Variants in ANP32B observed in about 807,000 individuals in gnomAD.
ANP32B encodes the protein acidic nuclear phosphoprotein 32 family member B.
In ANP32B, 6 loss-of-function variants were observed where a neutral mutation model predicts 32.2. The ratio of observed to expected loss-of-function variants is 0.19; its 90% CI spans 0.10 to 0.37. The LOEUF (loss-of-function observed/expected upper bound fraction) is 0.37, where lower values mean the gene tolerates loss of function less well. Ranked by LOEUF, ANP32B falls within the 10% of genes least tolerant of loss-of-function variation. The probability of loss-of-function intolerance (pLI) is 1.00; values close to 1 mark genes in which losing one functional copy is unlikely to be tolerated. For missense variants in ANP32B, 204 were observed against 289.2 expected (o/e 0.71, Z 2.14); for synonymous variants, 98 against 105.8 (o/e 0.93, Z 0.45).
At chr9:98,003,772 A>C (rs996724452) in intron 3 of ANP32B, among the ~76,000 whole-genome samples, 1 of 152,116 alleles carries the variant, frequency 6.6e-6, no homozygotes, top group Non-Finnish European at 1.5e-5. Context: ...GGTCCTCTTA[A>C]AGTTTGTTTG....
At chr9:97,987,551 G>A (rs1390766010) in intron 1 of ANP32B, 1 of 152,206 alleles carries the variant, frequency 6.6e-6, no homozygotes, top group Non-Finnish European at 1.5e-5. Context: ...TATCCTTCCA[G>A]TAAACTGAAC....
At chr9:98,013,374 C>G (rs769440991) in intron 6 of ANP32B, among the ~76,000 whole-genome samples, 1 of 152,112 alleles carries the variant, frequency 6.6e-6, no homozygotes, top group Non-Finnish European at 1.5e-5. Flanking sequence ...ATTTGGTTTA[C>G]TGTCAAGTGT....
intron 4 of ANP32B, among the ~76,000 whole-genome samples, chr9:98,005,549 A>G (rs919466369): frequency 2.0e-5 from 3 of 151,956 alleles, no homozygotes; most frequent in African/African-American, 7.3e-5. Flanking sequence ...TGTTCTTACT[A>G]TTGAGGAAAA....
chr9:97,994,877 C>A, intron 2 of ANP32B, 97 bp downstream of exon 2: 1 of 1,261,224 alleles, frequency 7.9e-7, no homozygotes, highest in Non-Finnish European at 1.1e-6. Context: ...GCAGAAAGCA[C>A]ATGGCCTTTG....
rs1828267625 is a variant in ANP32B at position 98,015,687 on chromosome 9, T to C, written c.*256T>C. 8.7e-7 allele frequency: 1 copy of C among 1,152,146 alleles called. No individual in the cohort carries two copies. The highest frequency in any genetic ancestry group is 1.1e-6 in the Non-Finnish European group (1 of 929,906). The allele number at this position is 1,152,146 out of a possible 1,614,324, so 71.4% of individuals were successfully genotyped here. ...TTGTTAGGTTTTTGTGTAAGATTCT[T>C]GCTGTAGCGTGGATAGCTGTGATTG... On this transcript the variant is annotated 3_prime_UTR_variant, in exon 7 of 7. Transcript: ENST00000339399.
chr9:97,984,945 C>T (rs939879423), intron 1 of ANP32B, among the ~76,000 whole-genome samples: 31 of 151,190 alleles, frequency 2.1e-4, no homozygotes, highest in African/African-American at 7.5e-4. Flanking sequence ...GGCCGCGCGC[C>T]TTGCGGGCTG....
At chr9:97,995,175 C>A (rs1436866653) in intron 2 of ANP32B, among the ~76,000 whole-genome samples, 1 of 152,198 alleles carries the variant, frequency 6.6e-6, no homozygotes, top group Non-Finnish European at 1.5e-5. Context: ...AAAATGTTTT[C>A]TCTTGTCACT....
chr9:97,983,907 G>A (rs1411880328), intron 1 of ANP32B, among the ~76,000 whole-genome samples: 1 of 152,024 alleles, frequency 6.6e-6, no homozygotes, highest in Non-Finnish European at 1.5e-5. Context: ...CAAGTGGCCG[G>A]CGGCGAGAGA....
chr9:97,994,216 C>A (rs978480340), intron 1 of ANP32B, among the ~76,000 whole-genome samples: 2 of 152,156 alleles, frequency 1.3e-5, no homozygotes. Flanking sequence ...TAAAGCTTTC[C>A]TCTTTTCCAG....
chr9:98,015,713 G>T lies in ANP32B; in HGVS notation c.*282G>T. 2 of 1,068,094 alleles carry T rather than the reference G, an allele frequency of 1.9e-6. No individual in the cohort carries two copies. The highest frequency in any genetic ancestry group is 1.1e-6 in the Non-Finnish European group (1 of 881,428). 66.2% of individuals were successfully genotyped at this position (1,068,094 alleles called of 1,614,324 possible). A position where few individuals can be genotyped will look rare whatever the true frequency, so the allele number is the denominator to read the frequency against. On this transcript the variant is annotated 3_prime_UTR_variant, in exon 7 of 7. Coordinates refer to ENST00000339399, the MANE Select transcript of ANP32B (RefSeq NM_006401.3). The stretch of plus-strand genomic sequence containing the variant: ...GCTGTAGCGTGGATAGCTGTGATTG[G>T]TGAGTCAACCGTCTGTGGCTACCAG...
At chr9:98,008,152 G>T (rs1321720234) in intron 4 of ANP32B, among the ~76,000 whole-genome samples, 1 of 152,120 alleles carries the variant, frequency 6.6e-6, no homozygotes. Context: ...ACAGGCCCCA[G>T]TGTGTGTTGT....
chr9:98,012,849 G>A (rs1392096864), intron 6 of ANP32B, among the ~76,000 whole-genome samples: 1 of 152,190 alleles, frequency 6.6e-6, no homozygotes, highest in Non-Finnish European at 1.5e-5. Flanking sequence ...TCCTGCCTCA[G>A]CCTCCAGAGT....
chr9:98,015,889 G>A lies in ANP32B; in HGVS notation c.*458G>A. 1 of 973,158 alleles carries A rather than the reference G, an allele frequency of 1.0e-6. No individual in the cohort carries two copies. The highest frequency in any genetic ancestry group is 1.2e-6 in the Non-Finnish European group (1 of 818,592). 60.3% of individuals were successfully genotyped at this position (973,158 alleles called of 1,614,324 possible). A position where few individuals can be genotyped will look rare whatever the true frequency, so the allele number is the denominator to read the frequency against. On this transcript the variant is annotated 3_prime_UTR_variant, in exon 7 of 7. Transcript: ENST00000339399. ...CATTAGGACATTTTATGTGACAACTGCCAAAAAAGTATTTTTAAGAATTTA... is the reference window on the plus strand; with the variant it reads ...CATTAGGACATTTTATGTGACAACTACCAAAAAAGTATTTTTAAGAATTTA...
chr9:98,013,591 G>A (rs929558553), intron 6 of ANP32B, among the ~76,000 whole-genome samples: 9 of 152,102 alleles, frequency 5.9e-5, no homozygotes, highest in Admixed American at 1.3e-4. Context: ...GACCCTGTCT[G>A]TACAGAAAAT....
At chr9:98,013,144 T>C (rs1014887001) in intron 6 of ANP32B, among the ~76,000 whole-genome samples, 1 of 152,182 alleles carries the variant, frequency 6.6e-6, no homozygotes, top group Non-Finnish European at 1.5e-5. Flanking sequence ...TGCCTCAGCC[T>C]CCTCAGTAGC....
At position 98,015,896 on chromosome 9, in the gene ANP32B, A is replaced by G; in HGVS notation, c.*465A>G. The stretch of plus-strand genomic sequence containing the variant: ...ACATTTTATGTGACAACTGCCAAAA[A>G]AGTATTTTTAAGAATTTAAGCGAAA... On this transcript the variant is annotated 3_prime_UTR_variant, in exon 7 of 7. Coordinates refer to ENST00000339399, the MANE Select transcript of ANP32B (RefSeq NM_006401.3). 2 of 976,946 alleles carry G rather than the reference A, an allele frequency of 2.0e-6. No individual in the cohort carries two copies. Among genetic ancestry groups the G allele is most frequent in the Non-Finnish European group, 2.4e-6 (2 of 821,830 alleles). 60.5% of individuals were successfully genotyped at this position (976,946 alleles called of 1,614,324 possible).
chr9:97,985,983 G>A (rs1827725187), intron 1 of ANP32B, among the ~76,000 whole-genome samples: 1 of 152,100 alleles, frequency 6.6e-6, no homozygotes, highest in South Asian at 2.1e-4. Context: ...CACCATGCTC[G>A]GCTAATTTTG....
intron 1 of ANP32B, chr9:97,984,496 C>A (rs574328711): frequency 6.6e-6 from 1 of 151,380 alleles, no homozygotes; most frequent in Admixed American, 6.6e-5. Flanking sequence ...GGCCCCTGCC[C>A]TTGCCCCGGG....
intron 4 of ANP32B, 129 bp from the exon 5 acceptor site, chr9:98,011,142 T>C: frequency 2.2e-6 from 3 of 1,353,540 alleles, no homozygotes; most frequent in Non-Finnish European, 3.0e-6. Context: ...TAGCACATAG[T>C]AGAAAGAAAG....
Sources: gnomAD v4.1 joint callset for allele counts (sites outside exome capture counted in the v4.1 genomes callset) on GRCh38, gnomAD v4.1.1 for gene constraint, MANE v1.5 for transcripts, NCBI Gene and HGNC (gene_info 2026-07-23, HGNC 2026-07-21) for gene names.